Variants in GLRB observed in about 807,000 individuals in gnomAD.
GLRB encodes glycine receptor subunit beta.
A neutral mutation model predicts 54.2 loss-of-function variants in GLRB; 33 were observed. The ratio of observed to expected loss-of-function variants is 0.61; its 90% confidence interval spans 0.46 to 0.81. GLRB has a LOEUF of 0.81. Ranked by LOEUF, GLRB falls within the 40% of genes least tolerant of loss-of-function variation. The pLI, the probability that GLRB is intolerant of heterozygous loss-of-function variation, is 0.00. For missense variants in GLRB, 572 were observed against 584.6 expected, an observed-to-expected ratio of 0.98 and a Z score of 0.22; for synonymous variants, 209 against 208.2, an observed-to-expected ratio of 1.00 and a Z score of -0.03.
rs566034686 is a variant in GLRB, at chr4:157,118,380, C to T, written c.123-2176C>T. Among the ~76,000 whole-genome samples, 12 of 151,702 alleles carry T rather than the reference C, an allele frequency of 7.9e-5. 1 individual carries two copies. The East Asian group carries it at 2.1e-3, about 27-fold the overall frequency. On this transcript the variant is annotated intron_variant, in intron 2 of 9. Transcript: ENST00000264428. ...TCCTAATATCCAATTTTCCCACGTG[C>T]GCTCATTCTCTTTAGAGTTTTCCAT...
At position 157,122,384 on chromosome 4, in the gene GLRB, A is replaced by C; in HGVS notation, c.284A>C (p.Gln95Pro). Residue 95 changes from glutamine (Q) to proline (P), a missense_variant, in exon 4 of 10, where the codon CAA becomes CCA. By Grantham distance (76) the Gln-to-Pro change is moderately conservative. Coordinates refer to ENST00000264428, the MANE Select transcript of GLRB (RefSeq NM_000824.5). The part of the protein sequence containing the change: ...NIFINSFGSI[Q>P]ETTMDYRVNI... ...TTTATTAACAGTTTTGGATCCATTC[A>C]AGAAACAACAATGGTAAGATTGCAA... 1 of 1,230,110 alleles carries C rather than the reference A, an allele frequency of 8.1e-7. No homozygotes were observed. The highest frequency in any genetic ancestry group is 1.3e-5 in the South Asian group (1 of 76,976). The allele number at this position is 1,230,110 out of a possible 1,614,324, so 76.2% of individuals were successfully genotyped here.
At chr4:157,079,103 A>G (rs1416045052) in intron 2 of GLRB, among the ~76,000 whole-genome samples, 2 of 152,280 alleles carry the variant, frequency 1.3e-5, no homozygotes, top group East Asian at 3.9e-4. Context: ...AAAGATTAAC[A>G]TTACTGGTCA....
chr4:157,115,259 T>G (rs1328435142), intron 2 of GLRB, among the ~76,000 whole-genome samples: 3 of 151,048 alleles, frequency 2.0e-5, no homozygotes, highest in Non-Finnish European at 3.0e-5. Flanking sequence ...GTGTTTTTTT[T>G]TTTTTTTTTT....
chr4:157,093,492 G>A (rs1199894967), intron 2 of GLRB, among the ~76,000 whole-genome samples: 5 of 152,114 alleles, frequency 3.3e-5, no homozygotes, highest in African/African-American at 4.8e-5. Flanking sequence ...TGTAATCCCA[G>A]CACTTTGGGA....
chr4:157,093,410 A>G (rs1036215856), intron 2 of GLRB, among the ~76,000 whole-genome samples: 3 of 152,182 alleles, frequency 2.0e-5, no homozygotes, highest in East Asian at 1.9e-4. Context: ...ATCTAATAAG[A>G]TCACAAACAC....
At chr4:157,127,959 A>G (rs1165504510) in intron 4 of GLRB, among the ~76,000 whole-genome samples, 1 of 151,906 alleles carries the variant, frequency 6.6e-6, no homozygotes. Flanking sequence ...AAACTAGTAC[A>G]TATGCTGATG....
chr4:157,077,125 T>G (rs1460624967), intron 1 of GLRB, among the ~76,000 whole-genome samples: 1 of 152,188 alleles, frequency 6.6e-6, no homozygotes, highest in African/African-American at 2.4e-5. Flanking sequence ...GAAATGAAGG[T>G]TGCAGAAGAG....
In GLRB at chr4:157,088,283, G is replaced by A. The variant is rs190937764; in HGVS notation, c.122+10137G>A. ...ATGTTTAACTCTCAGTGATACCATG[G>A]GCATGGCTGACAAAATAATCTAAAG... On this transcript the variant is annotated intron_variant, in intron 2 of 9. Transcript: ENST00000264428. Among the ~76,000 whole-genome samples the A allele has an allele frequency of 1.8e-3, 251 of 139,660 alleles. 1 individual carries two copies. Among genetic ancestry groups the A allele is most frequent in the African/African-American group, 7.9e-3 (235 of 29,862 alleles). The allele number at this position is 139,660 out of a possible 152,430, so 91.6% of individuals were successfully genotyped here.
At chr4:157,115,040 A>G (rs1560950510) in intron 2 of GLRB, among the ~76,000 whole-genome samples, 1 of 151,780 alleles carries the variant, frequency 6.6e-6, no homozygotes. Context: ...CAGAAGATCT[A>G]CACCAATTAT....
At chr4:157,167,700 G>A (rs990483614) in intron 9 of GLRB, among the ~76,000 whole-genome samples, 32 of 152,158 alleles carry the variant, frequency 2.1e-4, no homozygotes, top group South Asian at 2.1e-4. Flanking sequence ...TGTATAGTCC[G>A]TTTTGTGCTG....
intron 2 of GLRB, among the ~76,000 whole-genome samples, chr4:157,105,529 A>G (rs752457493): frequency 6.6e-6 from 1 of 151,546 alleles, no homozygotes; most frequent in Non-Finnish European, 1.5e-5. Flanking sequence ...TTTTTTTTAT[A>G]TTTGGTTTAT....
Position 157,122,324 on chromosome 4 carries a change from T to G in GLRB, c.230-6T>G. On this transcript the variant is annotated splice_polypyrimidine_tract_variant and splice_region_variant and intron_variant, in intron 3 of 9. Transcript: ENST00000264428. ...TAATAAATATATTCTTAATTTTTATTCATAGGCATTCCTGTTGATGTAGTA... is the reference window on the plus strand; with the variant it reads ...TAATAAATATATTCTTAATTTTTATGCATAGGCATTCCTGTTGATGTAGTA... The G allele has an allele frequency of 8.5e-7, 1 of 1,173,950 alleles. No individual in the cohort carries two copies. The highest frequency in any genetic ancestry group is 1.3e-6 in the Non-Finnish European group (1 of 794,500). The allele number at this position is 1,173,950 out of a possible 1,614,324, so 72.7% of individuals were successfully genotyped here. A position where few individuals can be genotyped will look rare whatever the true frequency, so the allele number is the denominator to read the frequency against.
At chr4:157,134,980 T>G (rs1736349277) in intron 4 of GLRB, among the ~76,000 whole-genome samples, 1 of 152,122 alleles carries the variant, frequency 6.6e-6, no homozygotes, top group South Asian at 2.1e-4. Context: ...ATTTTGATAG[T>G]GTAAACTCTG....
chr4:157,095,125 C>G (rs1314794521), intron 2 of GLRB, among the ~76,000 whole-genome samples: 1 of 151,998 alleles, frequency 6.6e-6, no homozygotes, highest in Admixed American at 6.6e-5. Context: ...TTCAGGGAAA[C>G]AGGTGTCAAA....
At chr4:157,121,798 G>T (rs911288824) in intron 3 of GLRB, among the ~76,000 whole-genome samples, 15 of 151,344 alleles carry the variant, frequency 9.9e-5, no homozygotes, top group African/African-American at 2.2e-4. Flanking sequence ...TTTTCAAAAG[G>T]TCAGGCAAAA....
At chr4:157,086,724 T>G (rs1734426600) in intron 2 of GLRB, among the ~76,000 whole-genome samples, 1 of 152,176 alleles carries the variant, frequency 6.6e-6, no homozygotes, top group South Asian at 2.1e-4. Context: ...TATAGAACTG[T>G]CAAAAGAGAA....
At chr4:157,148,562 A>G (rs1736901401) in intron 8 of GLRB, among the ~76,000 whole-genome samples, 1 of 152,104 alleles carries the variant, frequency 6.6e-6, no homozygotes, top group Non-Finnish European at 1.5e-5. Context: ...GGTATATTGT[A>G]TTTTCATCTT....
chr4:157,158,623 T>C (rs1466090370), intron 9 of GLRB, among the ~76,000 whole-genome samples: 1 of 152,200 alleles, frequency 6.6e-6, no homozygotes, highest in African/African-American at 2.4e-5. Flanking sequence ...GTCAGGTTTG[T>C]CAAAGATCAG....
chr4:157,136,654 C>T lies in GLRB; in HGVS notation c.483C>T (p.Ile161=). ...TTCATGATGTGACCCAGGAAAACAT[C>T]CTCCTCTTTATTTTTCGTGATGGAG... ...ANFHDVTQEN[I]LLFIFRDGDV... Residue 161 remains isoleucine, a synonymous_variant, in exon 5 of 10, where the codon ATC becomes ATT. Coordinates refer to ENST00000264428, the MANE Select transcript of GLRB (RefSeq NM_000824.5). 6.2e-7 allele frequency: 1 copy of T among 1,612,566 alleles called. No individual in the cohort carries two copies. Among genetic ancestry groups the T allele is most frequent in the Non-Finnish European group, 8.5e-7 (1 of 1,178,688 alleles).
Sources: allele counts gnomAD v4.1 joint callset (sites outside exome capture counted in the v4.1 genomes callset), GRCh38; gene constraint gnomAD v4.1.1; transcripts MANE v1.5; gene names NCBI Gene and HGNC (gene_info 2026-07-23, HGNC 2026-07-21).